SPATA6: variants seen among roughly 807,000 people sequenced by gnomAD.
SPATA6 encodes the protein spermatogenesis-associated protein 6.
A neutral mutation model predicts 65.3 loss-of-function variants in SPATA6; 56 were observed. The observed-to-expected ratio is 0.86, with a 90% CI of 0.69 to 1.07. The LOEUF (loss-of-function observed/expected upper bound fraction) is 1.07, where lower values mean the gene tolerates loss of function less well. Among genes scored for constraint, SPATA6 ranks in the 50% least tolerant of loss-of-function variants. The pLI, the probability that SPATA6 is intolerant of heterozygous loss-of-function variation, is 0.00. For synonymous variants in SPATA6, 199 were observed against 213.2 expected (o/e 0.93, Z 0.58); for missense variants, 590 against 594.8 (o/e 0.99, Z 0.08).
chr1:48,385,550 A>C (rs1649375734), intron 8 of SPATA6, among the ~76,000 whole-genome samples: 1 of 152,172 alleles, frequency 6.6e-6, no homozygotes, highest in Non-Finnish European at 1.5e-5. Flanking sequence ...ATGATTTCAC[A>C]AATACTATTT....
At chr1:48,283,260 C>G in the SPATA6 span, among the ~76,000 whole-genome samples, 2 of 151,270 alleles carry the variant, frequency 1.3e-5, no homozygotes, top group Admixed American at 6.6e-5. Flanking sequence ...GTGTAGCACA[C>G]CAGCATGGCA....
rs1252937481 is a variant in SPATA6, at chr1:48,403,854, G to A, written c.434C>T (p.Thr145Met). 1.1e-5 allele frequency: 17 copies of A among 1,609,278 alleles called. No homozygotes were observed. Among genetic ancestry groups the A allele is most frequent in the Admixed American group, 1.7e-5 (1 of 59,278 alleles). Residue 145 changes from threonine to methionine, a missense_variant, in exon 6 of 13, where the codon ACG becomes ATG. By Grantham distance (81) the Thr-to-Met change is moderately conservative (BLOSUM62 -1). Coordinates refer to ENST00000371847, the MANE Select transcript of SPATA6 (RefSeq NM_019073.4). ...CAGACATTCAGTAATCACTGAAGTC[G>A]TAGAAAATTCCAGCCTTGGAGCATT... ...RGNAPRLEFS[T>M]TSVITECLIS...
chr1:48,403,458 C>T (rs1173881370), intron 6 of SPATA6, among the ~76,000 whole-genome samples: 4 of 152,140 alleles, frequency 2.6e-5, no homozygotes, highest in African/African-American at 9.7e-5. Flanking sequence ...CTGTAACTTC[C>T]ATAACATTTA....
the SPATA6 span, among the ~76,000 whole-genome samples, chr1:48,276,203 T>G: frequency 6.6e-6 from 1 of 152,224 alleles, no homozygotes; most frequent in Non-Finnish European, 1.5e-5. Context: ...CATTTTTTAT[T>G]GTGTCTGTTT....
intron 11 of SPATA6, among the ~76,000 whole-genome samples, chr1:48,307,760 TGG>T (rs1467278135): frequency 6.6e-6 from 1 of 151,864 alleles, no homozygotes; most frequent in Non-Finnish European, 1.5e-5. Flanking sequence ...CTTATATTTT[TGG>T]GATCTCTTTT....
intron 11 of SPATA6, among the ~76,000 whole-genome samples, chr1:48,315,340 T>C (rs1416335681): frequency 6.6e-6 from 1 of 152,030 alleles, no homozygotes; most frequent in Non-Finnish European, 1.5e-5. Flanking sequence ...AACTTATCCA[T>C]CATGATCAAG....
intron 3 of SPATA6, among the ~76,000 whole-genome samples, chr1:48,432,980 A>G (rs1181916720): frequency 6.6e-6 from 1 of 152,194 alleles, no homozygotes; most frequent in Non-Finnish European, 1.5e-5. Flanking sequence ...ACGTTACAAC[A>G]TGGATGAACC....
At chr1:48,435,729 C>T (rs1232182956) in intron 3 of SPATA6, among the ~76,000 whole-genome samples, 1 of 152,156 alleles carries the variant, frequency 6.6e-6, no homozygotes, top group East Asian at 1.9e-4. Context: ...GCCCCGGTCG[C>T]GGCCTCGCCG....
chr1:48,400,335 A>C (rs1557666249), intron 6 of SPATA6, among the ~76,000 whole-genome samples: 2 of 151,958 alleles, frequency 1.3e-5, no homozygotes, highest in Non-Finnish European at 2.9e-5. Flanking sequence ...TTATCTAATA[A>C]AACTGGTTAG....
At chr1:48,385,411 C>T (rs1344574080) in intron 8 of SPATA6, 62 bp from the exon 9 acceptor site, 14 of 1,400,512 alleles carry the variant, frequency 1.0e-5, no homozygotes, top group African/African-American at 2.9e-5. Flanking sequence ...ATTTTTAATA[C>T]TATCATTGTT....
intron 3 of SPATA6, chr1:48,436,270 A>G: frequency 6.2e-7 from 1 of 1,613,882 alleles, no homozygotes; most frequent in African/African-American, 1.3e-5. Flanking sequence ...AGAACGCCTG[A>G]AAGCTTTACA....
intron 5 of SPATA6, among the ~76,000 whole-genome samples, chr1:48,408,395 T>C (rs1651898363): frequency 1.3e-5 from 2 of 152,216 alleles, no homozygotes; most frequent in African/African-American, 2.4e-5. Context: ...AAGGAAGTTA[T>C]AGTAAAGGAT....
chr1:48,338,827 T>G (rs182351929), intron 11 of SPATA6, among the ~76,000 whole-genome samples: 41 of 152,198 alleles, frequency 2.7e-4, no homozygotes, highest in Non-Finnish European at 4.6e-4. Flanking sequence ...ATATGTTACT[T>G]AAAATGTATC....
chr1:48,433,446 G>A (rs1347003535), intron 3 of SPATA6, among the ~76,000 whole-genome samples: 2 of 152,064 alleles, frequency 1.3e-5, no homozygotes, highest in Non-Finnish European at 2.9e-5. Flanking sequence ...TTTTGTAACT[G>A]TCTACTATCT....
chr1:48,438,018 G>A (rs116312581), intron 3 of SPATA6, among the ~76,000 whole-genome samples: 10,065 of 152,064 alleles, frequency 0.066, 424 homozygotes, highest in Non-Finnish European at 0.093. Context: ...TCAGAAGGAT[G>A]TGGGCGGGGA....
At chr1:48,453,730 G>T (rs1028506975) in intron 1 of SPATA6, among the ~76,000 whole-genome samples, 1 of 151,980 alleles carries the variant, frequency 6.6e-6, no homozygotes, top group African/African-American at 2.4e-5. Context: ...CCATTACAAC[G>T]AAAGCTCCCA....
At chr1:48,276,014 T>C in the SPATA6 span, among the ~76,000 whole-genome samples, 5 of 152,158 alleles carry the variant, frequency 3.3e-5, no homozygotes, top group Admixed American at 6.5e-5. Context: ...ATTTCAGAAC[T>C]TATTATTGGT....
rs931477366 is a variant in SPATA6, at chr1:48,400,502, A to C, written c.487-858T>G. ...TTCCTACTTTATCCAGAGTTATAAG[A>C]AGCTTTTCAATTCAAGAAAATGGAC... is the stretch of plus-strand genomic sequence containing the variant. On this transcript the variant is annotated intron_variant, in intron 6 of 12. Transcript: ENST00000371847. 5.9e-5 allele frequency among the ~76,000 whole-genome samples: 9 copies of C among 152,166 alleles called. No homozygotes were observed. The East Asian group carries it at 1.7e-3, about 29-fold the overall frequency.
At chr1:48,273,620 C>A in the SPATA6 span, among the ~76,000 whole-genome samples, 2 of 152,286 alleles carry the variant, frequency 1.3e-5, no homozygotes, top group Non-Finnish European at 2.9e-5. Flanking sequence ...TGTTAGTTTG[C>A]TGAGAACGAT....
Sources: allele counts gnomAD v4.1 joint callset (sites outside exome capture counted in the v4.1 genomes callset), GRCh38; gene constraint gnomAD v4.1.1; transcripts MANE v1.5; gene names NCBI Gene and HGNC (gene_info 2026-07-23, HGNC 2026-07-21).